Variants in XYLB observed in about 807,000 individuals in gnomAD.
The protein encoded by XYLB is xylulose kinase.
A neutral mutation model predicts 78.7 loss-of-function variants in XYLB; 62 were observed. The ratio of observed to expected loss-of-function variants is 0.79; its 90% CI spans 0.64 to 0.97. The LOEUF (loss-of-function observed/expected upper bound fraction) is 0.97. XYLB is among the 50% of genes least tolerant of loss of function. The pLI, the probability that XYLB is intolerant of heterozygous loss-of-function variation, is 0.00. For synonymous variants in XYLB, 245 were observed against 247.4 expected (o/e 0.99, Z 0.09); for missense variants, 687 against 676.8 (o/e 1.02, Z -0.17).
chr3:38,362,564 A>G (rs2125575310), intron 3 of XYLB, among the ~76,000 whole-genome samples: 1 of 152,206 alleles, frequency 6.6e-6, no homozygotes, highest in Admixed American at 6.5e-5. Flanking sequence ...TGGGAGGCTG[A>G]GATGGAAGGA....
intron 13 of XYLB, 52 bp downstream of exon 13, chr3:38,376,284 G>C (rs767754315): frequency 7.2e-7 from 1 of 1,380,160 alleles, no homozygotes; most frequent in African/African-American, 1.4e-5. Flanking sequence ...GCTGCCGACT[G>C]GAGGGGCAGA....
At chr3:38,427,850 C>T in the XYLB span, among the ~76,000 whole-genome samples, 1 of 152,138 alleles carries the variant, frequency 6.6e-6, no homozygotes, top group Non-Finnish European at 1.5e-5. Flanking sequence ...CCTTGGCCTC[C>T]CAAATTTCTG....
the XYLB span, among the ~76,000 whole-genome samples, chr3:38,432,523 C>A: frequency 6.6e-6 from 1 of 152,022 alleles, no homozygotes; most frequent in South Asian, 2.1e-4. Flanking sequence ...GCTGAGATTG[C>A]GACCCTGCAC....
At chr3:38,422,530 G>C (rs1326877003), downstream of XYLB, among the ~76,000 whole-genome samples, 1 of 152,180 alleles carries the variant, frequency 6.6e-6, no homozygotes, top group African/African-American at 2.4e-5. Context: ...AGCACTGGCC[G>C]TCTGTGTGGC....
chr3:38,361,528 C>T (rs1234686095), intron 3 of XYLB, among the ~76,000 whole-genome samples: 3 of 152,150 alleles, frequency 2.0e-5, no homozygotes, highest in African/African-American at 7.2e-5. Context: ...GAATGTACTT[C>T]AGAGGGGGCT....
downstream of XYLB, among the ~76,000 whole-genome samples, chr3:38,423,218 G>A (rs1370822595): frequency 4.6e-5 from 7 of 151,924 alleles, no homozygotes; most frequent in South Asian, 4.2e-4. Context: ...GACTATAGGC[G>A]CCCACCACCA....
chr3:38,385,951 A>G (rs1163809593), intron 15 of XYLB, among the ~76,000 whole-genome samples: 2 of 152,200 alleles, frequency 1.3e-5, no homozygotes, highest in African/African-American at 2.4e-5. Context: ...GGATATATAT[A>G]TACATATCCA....
At chr3:38,388,979 G>A (rs1707521883) in intron 15 of XYLB, among the ~76,000 whole-genome samples, 1 of 149,670 alleles carries the variant, frequency 6.7e-6, no homozygotes, top group African/African-American at 2.5e-5. Flanking sequence ...TCATTCTTGG[G>A]TGTTTCTCGC....
chr3:38,373,598 A>G (rs1706688402), intron 10 of XYLB, among the ~76,000 whole-genome samples: 1 of 152,134 alleles, frequency 6.6e-6, no homozygotes, highest in Non-Finnish European at 1.5e-5. Flanking sequence ...GTGTTTGGGC[A>G]GTGCAGACGA....
chr3:38,363,705 G>T (rs1242770755), intron 4 of XYLB, among the ~76,000 whole-genome samples: 1 of 152,118 alleles, frequency 6.6e-6, no homozygotes, highest in East Asian at 1.9e-4. Context: ...CTATTAATAC[G>T]CAGTAAACAT....
intron 1 of XYLB, among the ~76,000 whole-genome samples, chr3:38,348,299 G>A (rs559709231): frequency 6.6e-6 from 1 of 152,270 alleles, no homozygotes. Context: ...GCTATTTGGG[G>A]AACAAAGATT....
the XYLB span, among the ~76,000 whole-genome samples, chr3:38,434,067 T>G: frequency 4.6e-5 from 7 of 152,190 alleles, no homozygotes; most frequent in Non-Finnish European, 8.8e-5. Flanking sequence ...GAGCACTGAG[T>G]GAAGGTGGGG....
At chr3:38,419,172 C>T (rs979723151), downstream of XYLB, among the ~76,000 whole-genome samples, 1 of 151,974 alleles carries the variant, frequency 6.6e-6, no homozygotes, top group Non-Finnish European at 1.5e-5. Context: ...TATTCCACTT[C>T]GTGTGATATT....
At chr3:38,365,391 C>T in intron 5 of XYLB, 106 bp downstream of exon 5, 1 of 1,398,422 alleles carries the variant, frequency 7.2e-7, no homozygotes, top group Admixed American at 2.0e-5. Context: ...CTCACGCGCC[C>T]TCACCAGAAG....
At chr3:38,419,196 C>T (rs78667770), downstream of XYLB, among the ~76,000 whole-genome samples, 470 of 152,110 alleles carry the variant, frequency 3.1e-3, 4 homozygotes, top group African/African-American at 0.01. Context: ...TTAAATTTTG[C>T]ATGTGTAAAA....
At chr3:38,417,846 C>G (rs1417920969), downstream of XYLB, among the ~76,000 whole-genome samples, 4 of 147,068 alleles carry the variant, frequency 2.7e-5, no homozygotes, top group Non-Finnish European at 5.9e-5. Flanking sequence ...CGCCACTGCA[C>G]TCCAGCTTGG....
At chr3:38,395,703 G>A in intron 16 of XYLB, 140 bp downstream of exon 16, 1 of 858,668 alleles carries the variant, frequency 1.2e-6, no homozygotes, top group East Asian at 2.6e-5. Context: ...CCAGGAAGCA[G>A]CTCTGTTGCC....
chr3:38,372,074 C>T lies in XYLB; in HGVS notation c.766-581C>T, dbSNP rs118185101. Among the ~76,000 whole-genome samples the T allele has an allele frequency of 2.6e-5, 4 of 152,346 alleles. No homozygotes were observed. In the East Asian group the frequency reaches 7.7e-4, roughly 29 times the overall value. ...ACTCTGAAAAGGCATTTTCATTTGT[C>T]ACGTAGGTGTCACATGTGGGGGAAC... is the stretch of plus-strand genomic sequence containing the variant. On this transcript the variant is annotated intron_variant, in intron 9 of 18. Transcript: ENST00000207870.
the XYLB span, among the ~76,000 whole-genome samples, chr3:38,440,992 T>C: frequency 6.6e-6 from 1 of 151,908 alleles, no homozygotes; most frequent in Admixed American, 6.6e-5. Context: ...TCCCCCTCTC[T>C]CTCTCTTTCC....
Sources: allele counts gnomAD v4.1 joint callset (sites outside exome capture counted in the v4.1 genomes callset), GRCh38; gene constraint gnomAD v4.1.1; transcripts MANE v1.5; gene names NCBI Gene and HGNC (gene_info 2026-07-23, HGNC 2026-07-21).